Variants in TARS3 observed in about 807,000 individuals in gnomAD.
TARS3 encodes threonine--tRNA ligase 2, cytoplasmic.
In TARS3, 94 loss-of-function variants were observed where a neutral mutation model predicts 103.5. The ratio of observed to expected loss-of-function variants is 0.91; its 90% CI spans 0.77 to 1.08. The LOEUF is 1.08. Ranked by LOEUF, TARS3 falls within the 50% of genes least tolerant of loss-of-function variation. The probability of loss-of-function intolerance (pLI) is 0.00; values close to 1 mark genes in which losing one functional copy is unlikely to be tolerated. For synonymous variants in TARS3, 416 were observed against 355.4 expected (o/e 1.17, Z -1.92); for missense variants, 952 against 995.2 (o/e 0.96, Z 0.58).
chr15:101,721,298 T>C lies in TARS3; in HGVS notation c.394A>G (p.Lys132Glu). The change falls in exon 3 of 19, where the codon AAA becomes GAA. Residue 132 changes from lysine to glutamate, a missense_variant. Physicochemically the swap from Lys to Glu is moderately conservative, Grantham distance 56. Around this residue, in one of 2 missense-constraint regions of TARS3, gnomAD observed 412 missense variants for 364.2 expected, o/e 1.13. Coordinates refer to ENST00000335968, the MANE Select transcript of TARS3 (RefSeq NM_152334.3). The stretch of plus-strand genomic sequence containing the variant: ...ATTTCAAAAAGCTTCAATCTTTCTT[T>C]TATGAAAATTGGTTGATGCTTCACC... ...SEVKHQPIFI[K>E]ERLKLFEILK... The C allele has an allele frequency of 6.2e-7, 1 of 1,611,536 alleles. No individual in the cohort carries two copies. Among genetic ancestry groups the C allele is most frequent in the Non-Finnish European group, 8.5e-7 (1 of 1,177,812 alleles).
chr15:101,703,045 A>G (rs150574496), intron 8 of TARS3, among the ~76,000 whole-genome samples: 2,503 of 152,282 alleles, frequency 0.016, 39 homozygotes, highest in African/African-American at 0.043. Context: ...CCTACAGTCA[A>G]TGATTAAGAA....
At position 101,711,900 on chromosome 15, in the gene TARS3, A is replaced by G. The variant is rs1567354399; in HGVS notation, c.792T>C (p.Tyr264=). 6.2e-7 allele frequency: 1 copy of G among 1,613,946 alleles called. No individual in the cohort carries two copies. The highest frequency in any genetic ancestry group is 1.7e-5 in the Admixed American group (1 of 60,004). The part of the protein sequence containing the change: ...YGPPIENGFY[Y]DMFIEDRAVS... ...GTTACCTGTCTTCAATGAACATGTC[A>G]TAATAAAATCCATTTTCAATGGGCG... The change falls in exon 5 of 19, where the codon TAT becomes TAC. Residue 264 remains tyrosine (Y), a synonymous_variant. Transcript: ENST00000335968.
In TARS3 at chr15:101,654,447, C is replaced by G; in HGVS notation, c.*135G>C. ...TCGTGCATGTCAGCTACACGTTCATCGTCTCCTTTCTCAGCTGAGGCCATG... is the reference window on the plus strand; with the variant it reads ...TCGTGCATGTCAGCTACACGTTCATGGTCTCCTTTCTCAGCTGAGGCCATG... On this transcript the variant is annotated 3_prime_UTR_variant, in exon 19 of 19. Transcript: ENST00000335968. 1.1e-6 allele frequency: 1 copy of G among 891,964 alleles called. No individual in the cohort carries two copies. 55.3% of individuals were successfully genotyped at this position (891,964 alleles called of 1,614,324 possible). A position where few individuals can be genotyped will look rare whatever the true frequency, so the allele number is the denominator to read the frequency against.
At chr15:101,695,338 A>G (rs1181621729) in intron 10 of TARS3, among the ~76,000 whole-genome samples, 1 of 152,218 alleles carries the variant, frequency 6.6e-6, no homozygotes, top group African/African-American at 2.4e-5. Context: ...CTGAAATGTC[A>G]TATAATGGAA....
rs754363080 is a variant in TARS3, at chr15:101,711,966, C to T, written c.726G>A (p.Glu242=). Residue 242 remains glutamate (E), a synonymous_variant, in exon 5 of 19, where the codon GAG becomes GAA. Transcript: ENST00000335968. The part of the protein sequence containing the change: ...YWHSSAHILG[E]AMELYYGGHL... Reference sequence around the variant, plus strand: ...GGCCTCCATAGTAAAGCTCCATGGCCTCCCCAAGAATGTGAGCACTGGAGT... The same window carrying T: ...GGCCTCCATAGTAAAGCTCCATGGCTTCCCCAAGAATGTGAGCACTGGAGT... 5 of 1,613,876 alleles carry T rather than the reference C, an allele frequency of 3.1e-6. No individual in the cohort carries two copies. Among genetic ancestry groups the T allele is most frequent in the Non-Finnish European group, 4.2e-6 (5 of 1,179,826 alleles).
chr15:101,667,819 C>G (rs2141387331), intron 15 of TARS3, among the ~76,000 whole-genome samples: 1 of 152,274 alleles, frequency 6.6e-6, no homozygotes, highest in South Asian at 2.1e-4. Context: ...GTCTTGAACT[C>G]CTGACCTCAG....
chr15:101,704,299 C>T (rs1899429487), intron 7 of TARS3, among the ~76,000 whole-genome samples: 1 of 152,158 alleles, frequency 6.6e-6, no homozygotes, highest in African/African-American at 2.4e-5. Context: ...GTAAACAACA[C>T]TCAGATGAAG....
rs1170826604 is a variant in TARS3 at position 101,698,913 on chromosome 15, A to C, written c.1320+2173T>G. ...GGGGCTGAAAAGACATAAACCCACCAGCCTGTCAAGTGGAAACCCAAGGGG... is the reference window on the plus strand; with the variant it reads ...GGGGCTGAAAAGACATAAACCCACCCGCCTGTCAAGTGGAAACCCAAGGGG... On this transcript the variant is annotated intron_variant, in intron 10 of 18. Transcript: ENST00000335968. Among the ~76,000 whole-genome samples, 5 of 152,300 alleles carry C rather than the reference A, an allele frequency of 3.3e-5. No homozygotes were observed. In the East Asian group the frequency reaches 9.6e-4, roughly 29 times the overall value.
intron 8 of TARS3, among the ~76,000 whole-genome samples, chr15:101,703,451 G>T (rs958572834): frequency 1.3e-5 from 2 of 152,066 alleles, no homozygotes; most frequent in African/African-American, 4.8e-5. Flanking sequence ...TTAGCCGGGT[G>T]GGGTGGTGCA....
In TARS3 at chr15:101,710,975, A is replaced by G. The variant is rs1337770290; in HGVS notation, c.812+905T>C. 2.6e-5 allele frequency among the ~76,000 whole-genome samples: 4 copies of G among 152,304 alleles called. 1 individual carries two copies. The East Asian group carries it at 7.7e-4, about 29-fold the overall frequency. ...GTACCCTAGGAGCTATGAGGAATTCAGGGCAGGAGGTGGACGGGGCTGGCT... is the reference window on the plus strand; with the variant it reads ...GTACCCTAGGAGCTATGAGGAATTCGGGGCAGGAGGTGGACGGGGCTGGCT... On this transcript the variant is annotated intron_variant, in intron 5 of 18. Transcript: ENST00000335968.
chr15:101,721,619 C>G (rs1349158239), intron 2 of TARS3, among the ~76,000 whole-genome samples: 2 of 152,106 alleles, frequency 1.3e-5, no homozygotes, highest in African/African-American at 2.4e-5. Context: ...CTCGGCCACC[C>G]GAGTAGCTGG....
intron 1 of TARS3, 35 bp downstream of exon 1, chr15:101,724,056 C>T: frequency 7.5e-7 from 1 of 1,341,016 alleles, no homozygotes; most frequent in Non-Finnish European, 9.5e-7. Flanking sequence ...CCCGCCCCGC[C>T]CGCGTCCTCT....
At chr15:101,660,984 T>A (rs189316906) in intron 16 of TARS3, among the ~76,000 whole-genome samples, 2 of 152,334 alleles carry the variant, frequency 1.3e-5, no homozygotes, top group East Asian at 3.9e-4. Flanking sequence ...GTAATTTGTT[T>A]TTCAATCTAA....
intron 11 of TARS3, 150 bp from the exon 12 acceptor site, chr15:101,684,387 C>T (rs917245549): frequency 8.8e-5 from 61 of 694,620 alleles, no homozygotes; most frequent in Non-Finnish European, 1.3e-4. Context: ...AATTCTTCCA[C>T]AAATTAGTGA....
At chr15:101,708,402 T>A (rs2141440132) in intron 6 of TARS3, among the ~76,000 whole-genome samples, 2 of 152,240 alleles carry the variant, frequency 1.3e-5, no homozygotes, top group Middle Eastern at 6.8e-3. Flanking sequence ...GTTACTGTTT[T>A]ACACAGGTTA....
At chr15:101,684,620 T>C (rs1898390910) in intron 11 of TARS3, among the ~76,000 whole-genome samples, 1 of 152,216 alleles carries the variant, frequency 6.6e-6, no homozygotes, top group Non-Finnish European at 1.5e-5. Context: ...GCCATCATTA[T>C]GGCACTGGTC....
rs1214600886 is a variant in TARS3 at position 101,705,761 on chromosome 15, CAT to C, written c.931-16_931-15del. ...AAATTTATTGTACTACGAAGAAAAACATATTTACACATTATTACACACAATGT... is the reference window on the plus strand; with the variant it reads ...AAATTTATTGTACTACGAAGAAAAACATTTACACATTATTACACACAATGT... On this transcript the variant is annotated splice_polypyrimidine_tract_variant and intron_variant, in intron 6 of 18. Transcript: ENST00000335968. 17 of 1,556,954 alleles carry C rather than the reference CAT, an allele frequency of 1.1e-5. No homozygotes were observed. The highest frequency in any genetic ancestry group is 1.5e-5 in the Non-Finnish European group (17 of 1,135,024).
chr15:101,724,410 C>T lies in TARS3; in HGVS notation c.-23G>A. 1 of 1,389,516 alleles carries T rather than the reference C, an allele frequency of 7.2e-7. No individual in the cohort carries two copies. Among genetic ancestry groups the T allele is most frequent in the Non-Finnish European group, 9.3e-7 (1 of 1,078,678 alleles). 86.1% of individuals were successfully genotyped at this position (1,389,516 alleles called of 1,614,324 possible). A position where few individuals can be genotyped will look rare whatever the true frequency, so the allele number is the denominator to read the frequency against. On this transcript the variant is annotated 5_prime_UTR_variant, in exon 1 of 19. Transcript: ENST00000335968. Reference sequence around the variant, plus strand: ...CATCGCGGCCTCCCTCAGGCACCGACGCCGAGCGGGGTGCCCGCGACTGCG... The same window carrying T: ...CATCGCGGCCTCCCTCAGGCACCGATGCCGAGCGGGGTGCCCGCGACTGCG...
At chr15:101,723,280 C>T in intron 1 of TARS3, 116 bp from the exon 2 acceptor site, 1 of 812,500 alleles carries the variant, frequency 1.2e-6, no homozygotes, top group Non-Finnish European at 2.1e-6. Flanking sequence ...CATAGCTGGG[C>T]TCTCCTGACC....
Sources: allele counts gnomAD v4.1 joint callset (sites outside exome capture counted in the v4.1 genomes callset), GRCh38; gene constraint gnomAD v4.1.1; regional missense constraint gnomAD v4.1.1; transcripts MANE v1.5; gene names NCBI Gene and HGNC (gene_info 2026-07-23, HGNC 2026-07-21).